Variants in DNAH3 observed in about 807,000 individuals in gnomAD.
The protein encoded by DNAH3 is dynein axonemal heavy chain 3, also known as axonemal beta dynein heavy chain 3.
Under a neutral mutation model 432.5 loss-of-function variants are expected in DNAH3, and 332 were observed. The ratio of observed to expected loss-of-function variants is 0.77; its 90% CI spans 0.70 to 0.84. The LOEUF is 0.84. Among genes scored for constraint, DNAH3 ranks in the 40% least tolerant of loss-of-function variants. The probability of loss-of-function intolerance (pLI) is 0.00; values close to 1 mark genes in which losing one functional copy is unlikely to be tolerated. For synonymous variants in DNAH3, 1,956 were observed against 1,900.2 expected, an observed-to-expected ratio of 1.03 and a Z score of -0.76; for missense variants, 4,861 against 5,114.0, an observed-to-expected ratio of 0.95 and a Z score of 1.51.
chr16:21,044,248 G>A (rs1447356106), intron 31 of DNAH3, among the ~76,000 whole-genome samples: 8 of 131,064 alleles, frequency 6.1e-5, no homozygotes, highest in Non-Finnish European at 8.2e-5. Flanking sequence ...CATTGAATCT[G>A]TAAATTACCT....
chr16:21,148,327 C>A (rs2092811480), intron 1 of DNAH3, among the ~76,000 whole-genome samples: 1 of 152,062 alleles, frequency 6.6e-6, no homozygotes, highest in Non-Finnish European at 1.5e-5. Flanking sequence ...TTTTTTCATA[C>A]CCGCATTCTA....
intron 6 of DNAH3, among the ~76,000 whole-genome samples, chr16:21,135,143 G>A (rs2092624889): frequency 6.6e-6 from 1 of 152,084 alleles, no homozygotes; most frequent in African/African-American, 2.4e-5. Context: ...TTCACGGTGT[G>A]GAGCACTTAG....
intron 20 of DNAH3, among the ~76,000 whole-genome samples, chr16:21,077,574 G>C (rs1418933094): frequency 2.0e-5 from 3 of 152,102 alleles, no homozygotes; most frequent in African/African-American, 7.2e-5. Flanking sequence ...TCCTGATACT[G>C]GGTCCACCCG....
At chr16:20,950,384 G>A (rs2084258740) in intron 56 of DNAH3, among the ~76,000 whole-genome samples, 2 of 152,186 alleles carry the variant, frequency 1.3e-5, no homozygotes, top group East Asian at 3.8e-4. Flanking sequence ...AGACTGTTCA[G>A]TAGCATCCCT....
intron 5 of DNAH3, among the ~76,000 whole-genome samples, chr16:21,137,232 G>A (rs2092655679): frequency 6.8e-6 from 1 of 147,994 alleles, no homozygotes; most frequent in Admixed American, 6.8e-5. Flanking sequence ...TTCTAAGGTA[G>A]CTCAGACAAA....
exon 60 of DNAH3, chr16:20,936,718 C>T: frequency 6.2e-7 from 1 of 1,608,856 alleles, no homozygotes; most frequent in African/African-American, 1.3e-5. Context: ...ATGGGTAAGA[C>T]TTGGCTGCCC....
At chr16:21,051,977 CTATTT>C (rs139853718) in intron 28 of DNAH3, 109 bp from the exon 29 acceptor site, 51 of 816,304 alleles carry the variant, frequency 6.2e-5, no homozygotes, top group South Asian at 3.0e-4. Context: ...ATTCTCCAAA[CTATTT>C]TATTTTATTT....
chr16:20,969,230 A>T (rs1234463256), intron 52 of DNAH3, among the ~76,000 whole-genome samples: 1 of 149,428 alleles, frequency 6.7e-6, no homozygotes, highest in Non-Finnish European at 1.5e-5. Context: ...GTGTTCGTGC[A>T]TGGCTCTGTG....
intron 20 of DNAH3, among the ~76,000 whole-genome samples, chr16:21,078,628 C>T (rs964861062): frequency 1.3e-5 from 2 of 152,198 alleles, no homozygotes; most frequent in African/African-American, 4.8e-5. Context: ...CCCATATGCC[C>T]CTATCACAGG....
intron 51 of DNAH3, among the ~76,000 whole-genome samples, chr16:20,974,059 T>C (rs552623727): frequency 1.1e-4 from 16 of 152,142 alleles, no homozygotes; most frequent in Non-Finnish European, 2.1e-4. Flanking sequence ...TCTTGCTCTG[T>C]CACCCAGGCT....
rs752461097 is a variant in DNAH3 at position 20,959,411 on chromosome 16, C to T, written c.10601-7G>A. On this transcript the variant is annotated splice_polypyrimidine_tract_variant and splice_region_variant and intron_variant, in intron 53 of 61. Coordinates refer to ENST00000261383, the Ensembl canonical transcript of DNAH3. ...TCAGCAAACTTCAGCAGGCCTGAGA[C>T]CAGGAAGAAAGGAGGCTTTTGAAAG... 1 of 1,607,654 alleles carries T rather than the reference C, an allele frequency of 6.2e-7. No individual in the cohort carries two copies. The highest frequency in any genetic ancestry group is 8.5e-7 in the Non-Finnish European group (1 of 1,174,608).
At chr16:21,034,973 C>G (rs954188874) in intron 35 of DNAH3, among the ~76,000 whole-genome samples, 3 of 152,142 alleles carry the variant, frequency 2.0e-5, no homozygotes, top group Non-Finnish European at 2.9e-5. Flanking sequence ...AATACAAAAT[C>G]CCTAACCATT....
intron 36 of DNAH3, among the ~76,000 whole-genome samples, chr16:21,033,744 A>G (rs1015026342): frequency 1.3e-5 from 2 of 152,150 alleles, no homozygotes; most frequent in Non-Finnish European, 2.9e-5. Context: ...ATTTGAGACA[A>G]TTCCTCCAGG....
chr16:21,050,891 G>A (rs1225854590), intron 29 of DNAH3, among the ~76,000 whole-genome samples: 1 of 152,168 alleles, frequency 6.6e-6, no homozygotes, highest in Non-Finnish European at 1.5e-5. Flanking sequence ...CATGGTATGA[G>A]TTTCTATGTT....
chr16:21,040,358 A>ATTTTTTTTTTTTTTTTT (rs55797285), intron 32 of DNAH3, among the ~76,000 whole-genome samples: 6 of 79,712 alleles, frequency 7.5e-5, no homozygotes, highest in African/African-American at 3.4e-4. Context: ...AGCCAGACAG[A>ATTTTTTTTTTTTTTTTT]TTTTTTTTTT....
At chr16:20,966,833 G>T (rs1281447358) in intron 52 of DNAH3, among the ~76,000 whole-genome samples, 1 of 152,126 alleles carries the variant, frequency 6.6e-6, no homozygotes. Flanking sequence ...AATGAAGGAG[G>T]CTGGAAGAAG....
intron 27 of DNAH3, among the ~76,000 whole-genome samples, chr16:21,055,989 TG>T (rs141379358): frequency 0.029 from 4,474 of 152,204 alleles, 232 homozygotes; most frequent in African/African-American, 0.1. Context: ...CCTCCCGCCT[TG>T]GCCTCCCAAA....
chr16:21,098,809 T>C, intron 16 of DNAH3, 40 bp from the exon 17 acceptor site: 1 of 1,586,308 alleles, frequency 6.3e-7, no homozygotes, highest in Middle Eastern at 1.7e-4. Flanking sequence ...GGACTTTGCA[T>C]TTTGTGCACT....
intron 47 of DNAH3, among the ~76,000 whole-genome samples, chr16:20,986,516 A>G (rs186081420): frequency 2.1e-4 from 32 of 151,488 alleles, no homozygotes; most frequent in South Asian, 8.3e-4. Flanking sequence ...CTAAAAATAA[A>G]TATTTTTTTT....
Sources: allele counts gnomAD v4.1 joint callset (sites outside exome capture counted in the v4.1 genomes callset), GRCh38; gene constraint gnomAD v4.1.1; transcripts MANE v1.5; gene names NCBI Gene and HGNC (gene_info 2026-07-23, HGNC 2026-07-21).